The following LRRC8A variants were observed in gnomAD, a reference collection of about 807,000 sequenced individuals.
LRRC8A encodes volume-regulated anion channel subunit LRRC8A.
Under a neutral mutation model 52.5 loss-of-function variants are expected in LRRC8A, and 24 were observed. The ratio of observed to expected loss-of-function variants is 0.46; its 90% CI spans 0.33 to 0.64. The LOEUF (loss-of-function observed/expected upper bound fraction) is 0.64, where lower values mean the gene tolerates loss of function less well. Ranked by LOEUF, LRRC8A falls within the 30% of genes least tolerant of loss-of-function variation. The pLI, the probability that LRRC8A is intolerant of heterozygous loss-of-function variation, is 0.02. For missense variants in LRRC8A, 677 were observed against 1,094.7 expected (o/e 0.62, Z 5.38); for synonymous variants, 492 against 494.2 (o/e 1.00, Z 0.06).
chr9:128,900,852 C>A (rs1193798248), intron 2 of LRRC8A, among the ~76,000 whole-genome samples: 1 of 152,062 alleles, frequency 6.6e-6, no homozygotes, highest in Non-Finnish European at 1.5e-5. Context: ...CATAGCAAGA[C>A]CCCATCTCTC....
Position 128,902,767 on chromosome 9 carries a change from C to T in LRRC8A, c.-8-4390C>T, listed in dbSNP as rs572195771. ...TTCTTTCCCAGCAGTGTAGGTGGTG[C>T]GTGGACCCACCTGGTCATTAGAGGG... On this transcript the variant is annotated intron_variant, in intron 2 of 3. Coordinates refer to ENST00000372600, the MANE Select transcript of LRRC8A (RefSeq NM_019594.4). This position sits in a 1 kb window ranked among gnomAD's most constrained non-coding sequence, Gnocchi z 4.1. Among the ~76,000 whole-genome samples, 2 of 152,126 alleles carry T rather than the reference C, an allele frequency of 1.3e-5. No individual in the cohort carries two copies. Among genetic ancestry groups the T allele is most frequent in the African/African-American group, 2.4e-5 (1 of 41,502 alleles).
At chr9:128,890,958 T>C (rs577449562) in intron 2 of LRRC8A, among the ~76,000 whole-genome samples, 3 of 151,896 alleles carry the variant, frequency 2.0e-5, no homozygotes, top group East Asian at 3.9e-4. Flanking sequence ...CAGACCAGCC[T>C]GGGCAACATA....
chr9:128,896,651 G>C (rs1261579956), intron 2 of LRRC8A, among the ~76,000 whole-genome samples: 2 of 152,114 alleles, frequency 1.3e-5, no homozygotes, highest in Non-Finnish European at 2.9e-5. Flanking sequence ...CCCCTCATTG[G>C]ATTGTTTTTG....
chr9:128,907,976 A>G lies in LRRC8A; in HGVS notation c.812A>G (p.Lys271Arg). Residue 271 changes from lysine (K) to arginine (R), a missense_variant, in exon 3 of 4, where the codon AAG becomes AGG. This residue lies in a region of LRRC8A where 422 missense variants were observed against 741.5 expected (regional missense o/e 0.57). Coordinates refer to ENST00000372600, the MANE Select transcript of LRRC8A (RefSeq NM_019594.4). The surrounding 1 kb of genome is among the most constrained non-coding windows in gnomAD (Gnocchi z 9.3). The part of the protein sequence containing the change: ...YRLYMRQTII[K>R]VIKFILIICY... ...CTCTACATGCGGCAGACCATCATCA[A>G]GGTGATCAAGTTCATCCTCATCATC... 6.2e-7 allele frequency: 1 copy of G among 1,614,130 alleles called. No homozygotes were observed. Among genetic ancestry groups the G allele is most frequent in the Non-Finnish European group, 8.5e-7 (1 of 1,180,022 alleles).
chr9:128,891,575 G>A (rs184471092), intron 2 of LRRC8A, among the ~76,000 whole-genome samples: 6 of 152,186 alleles, frequency 3.9e-5, no homozygotes, highest in African/African-American at 1.2e-4. Flanking sequence ...AAAATAAAAC[G>A]GCCTGCCTTC....
At chr9:128,915,964 A>G in intron 3 of LRRC8A, 132 bp from the exon 4 acceptor site, 7 of 1,142,610 alleles carry the variant, frequency 6.1e-6, no homozygotes, top group Non-Finnish European at 8.7e-6. Flanking sequence ...AGTTTGGCCC[A>G]GATTGTGCTG....
chr9:128,887,785 G>T (rs1839452448), intron 2 of LRRC8A, among the ~76,000 whole-genome samples: 3 of 152,078 alleles, frequency 2.0e-5, no homozygotes, highest in Admixed American at 2.0e-4. Flanking sequence ...GGGACTACAG[G>T]CGCCCGCCAC....
intron 1 of LRRC8A, chr9:128,882,491 T>A: frequency 2.6e-6 from 1 of 385,094 alleles, no homozygotes; most frequent in Non-Finnish European, 4.6e-6. Context: ...CAGGCACCCC[T>A]GTGCCTCCTT....
rs1429746011 is a variant in LRRC8A at position 128,902,436 on chromosome 9, C to T, written c.-8-4721C>T. ...TGGGTGGTACAGACAAGCCCCAGGTCGGCGGGGCTGGGGCGGCTCCTCGCA... is the reference window on the plus strand; with the variant it reads ...TGGGTGGTACAGACAAGCCCCAGGTTGGCGGGGCTGGGGCGGCTCCTCGCA... On this transcript the variant is annotated intron_variant, in intron 2 of 3. Coordinates refer to ENST00000372600, the MANE Select transcript of LRRC8A (RefSeq NM_019594.4). This position sits in a 1 kb window ranked among gnomAD's most constrained non-coding sequence, Gnocchi z 4.1. Among the ~76,000 whole-genome samples, 1 of 152,144 alleles carries T rather than the reference C, an allele frequency of 6.6e-6. No individual in the cohort carries two copies. Among genetic ancestry groups the T allele is most frequent in the Non-Finnish European group, 1.5e-5 (1 of 68,028 alleles).
chr9:128,904,212 T>C (rs562309114), intron 2 of LRRC8A, among the ~76,000 whole-genome samples: 28 of 152,160 alleles, frequency 1.8e-4, no homozygotes, highest in African/African-American at 6.5e-4. Flanking sequence ...AAGTAAAAAT[T>C]GAATGTAAAG....
intron 3 of LRRC8A, among the ~76,000 whole-genome samples, chr9:128,915,142 C>T (rs1418685163): frequency 2.0e-5 from 3 of 152,194 alleles, no homozygotes; most frequent in Admixed American, 6.5e-5. Context: ...ACACATTAAG[C>T]TGCATACGGG....
intron 3 of LRRC8A, among the ~76,000 whole-genome samples, chr9:128,914,092 C>G (rs909153127): frequency 6.6e-6 from 1 of 152,094 alleles, no homozygotes; most frequent in Non-Finnish European, 1.5e-5. Flanking sequence ...GTAATCCCAG[C>G]TACTCGGGAG....
intron 1 of LRRC8A, among the ~76,000 whole-genome samples, chr9:128,885,810 G>A (rs951161814): frequency 3.3e-5 from 5 of 152,188 alleles, no homozygotes; most frequent in Non-Finnish European, 5.9e-5. Context: ...TCGAGAGGCT[G>A]AGGCAGGAGA....
chr9:128,896,971 G>A (rs192895149), intron 2 of LRRC8A, among the ~76,000 whole-genome samples: 65 of 152,020 alleles, frequency 4.3e-4, no homozygotes, highest in Middle Eastern at 6.8e-3. Flanking sequence ...TGATCCACCT[G>A]CCTCAGCCTC....
chr9:128,889,594 A>G (rs1839523404), intron 2 of LRRC8A, among the ~76,000 whole-genome samples: 2 of 151,688 alleles, frequency 1.3e-5, no homozygotes, highest in African/African-American at 4.8e-5. Context: ...TCCCAGGTTC[A>G]AGCTATTCTC....
chr9:128,904,485 T>C (rs897811632), intron 2 of LRRC8A, among the ~76,000 whole-genome samples: 1 of 151,668 alleles, frequency 6.6e-6, no homozygotes, highest in African/African-American at 2.4e-5. Flanking sequence ...GCCACTGCAC[T>C]CCAGCCTGGG....
At chr9:128,889,397 T>A (rs1382690873) in intron 2 of LRRC8A, among the ~76,000 whole-genome samples, 1 of 151,900 alleles carries the variant, frequency 6.6e-6, no homozygotes, top group African/African-American at 2.4e-5. Context: ...TCAGCCTTAG[T>A]CCCAGTCGTC....
At position 128,908,229 on chromosome 9, in the gene LRRC8A, G is replaced by A. The variant is rs752033893; in HGVS notation, c.1065G>A (p.Ser355=). 1.7e-5 allele frequency: 27 copies of A among 1,613,916 alleles called. No homozygotes were observed. The highest frequency in any genetic ancestry group is 2.7e-5 in the African/African-American group (2 of 74,894). The part of the protein sequence containing the change: ...RRSLKKYSFE[S]IREESSYSDI... ...CCCTCAAGAAGTACTCGTTTGAGTC[G>A]ATCCGTGAGGAGAGCAGCTACAGCG... The change falls in exon 3 of 4, where the codon TCG becomes TCA. Residue 355 remains serine, a synonymous_variant. Coordinates refer to ENST00000372600, the MANE Select transcript of LRRC8A (RefSeq NM_019594.4).
intron 2 of LRRC8A, among the ~76,000 whole-genome samples, chr9:128,889,869 C>T (rs1182774848): frequency 1.3e-5 from 2 of 151,804 alleles, no homozygotes; most frequent in Non-Finnish European, 2.9e-5. Flanking sequence ...ATGGTGCCAT[C>T]TTGGCTCATT....
Sources: allele counts gnomAD v4.1 joint callset (sites outside exome capture counted in the v4.1 genomes callset), GRCh38; gene constraint gnomAD v4.1.1; regional missense constraint gnomAD v4.1.1; non-coding constraint Gnocchi (gnomAD v3.1); transcripts MANE v1.5; gene names NCBI Gene and HGNC (gene_info 2026-07-23, HGNC 2026-07-21).